The following ST6GAL2 variants were observed in gnomAD, a reference collection of about 807,000 sequenced individuals.
ST6GAL2 encodes the protein ST6 beta-galactoside alpha-2,6-sialyltransferase 2.
ST6GAL2 carries 24 observed loss-of-function variants against 37.5 expected under a neutral mutation model. The ratio of observed to expected loss-of-function variants is 0.64; its 90% CI spans 0.46 to 0.90. ST6GAL2 has a LOEUF of 0.90. Among genes scored for constraint, ST6GAL2 ranks in the 40% least tolerant of loss-of-function variants. The pLI is 0.00. For missense variants in ST6GAL2, 715 were observed against 712.7 expected, an observed-to-expected ratio of 1.00 and a Z score of -0.04; for synonymous variants, 306 against 295.1, an observed-to-expected ratio of 1.04 and a Z score of -0.38.
At chr2:106,875,776 A>G (rs890816039) in intron 1 of ST6GAL2, among the ~76,000 whole-genome samples, 4 of 152,210 alleles carry the variant, frequency 2.6e-5, no homozygotes, top group Admixed American at 1.3e-4. Context: ...TATGTAGAAA[A>G]GCTTCTAAAA....
Position 106,843,604 on chromosome 2 carries a change from T to G in ST6GAL2, c.374A>C (p.Tyr125Ser). 1 of 1,613,922 alleles carries G rather than the reference T, an allele frequency of 6.2e-7. No homozygotes were observed. The highest frequency in any genetic ancestry group is 1.3e-5 in the African/African-American group (1 of 75,020). Residue 125 changes from tyrosine (Y) to serine (S), a missense_variant, in exon 2 of 6, where the codon TAC becomes TCC. By Grantham distance (144) the Tyr-to-Ser change is moderately radical (BLOSUM62 -2). Transcript: ENST00000409382. The part of the protein sequence containing the change: ...QVGRKSQSAF[Y>S]PEDDDYFFAA... ...AAAAAAGTAGTCGTCATCCTCCGGG[T>G]AGAAAGCACTTTGAGATTTTCTCCC...
intron 1 of ST6GAL2, among the ~76,000 whole-genome samples, chr2:106,872,445 T>A (rs2104621487): frequency 6.6e-6 from 1 of 152,266 alleles, no homozygotes; most frequent in Non-Finnish European, 1.5e-5. Flanking sequence ...CCTTTTAAGT[T>A]GCTTATGAAG....
intron 5 of ST6GAL2, among the ~76,000 whole-genome samples, chr2:106,808,195 G>A (rs1391145788): frequency 6.6e-6 from 1 of 152,150 alleles, no homozygotes; most frequent in Non-Finnish European, 1.5e-5. Context: ...GGAGAGAAGA[G>A]AGAAAGGGCC....
At chr2:106,816,971 G>A (rs1483123402) in intron 5 of ST6GAL2, among the ~76,000 whole-genome samples, 1 of 152,218 alleles carries the variant, frequency 6.6e-6, no homozygotes, top group Non-Finnish European at 1.5e-5. Flanking sequence ...TGTTACAGCA[G>A]AAAGCAACAC....
intron 3 of ST6GAL2, among the ~76,000 whole-genome samples, chr2:106,833,211 C>T (rs1441823597): frequency 4.0e-5 from 6 of 151,640 alleles, no homozygotes; most frequent in Admixed American, 6.6e-5. Flanking sequence ...ACCATTATTA[C>T]GATGTACTTT....
chr2:106,819,736 A>G (rs188910848), intron 5 of ST6GAL2, among the ~76,000 whole-genome samples: 198 of 152,200 alleles, frequency 1.3e-3, no homozygotes, highest in Middle Eastern at 3.4e-3. Flanking sequence ...AACTATTCAT[A>G]TCTTGAGTAG....
At chr2:106,858,557 A>G (rs1173790160) in intron 1 of ST6GAL2, among the ~76,000 whole-genome samples, 3 of 152,204 alleles carry the variant, frequency 2.0e-5, no homozygotes, top group African/African-American at 7.2e-5. Context: ...TGGAAAGAAT[A>G]CTTGCTAAGC....
In ST6GAL2 at chr2:106,802,544, T is replaced by C. The variant is rs183318617; in HGVS notation, c.*4134A>G. On this transcript the variant is annotated 3_prime_UTR_variant, in exon 6 of 6. Coordinates refer to ENST00000409382, the MANE Select transcript of ST6GAL2 (RefSeq NM_001142351.2). ...AGAAATACCTTTCATTTATCAAGTG[T>C]GTAAATAATGCCCATGTGACAGAAA... The C allele has an allele frequency of 7.2e-4, 110 of 152,312 alleles. 1 individual carries two copies. The highest frequency in any genetic ancestry group is 2.6e-3 in the African/African-American group (108 of 41,570). 9.4% of individuals were successfully genotyped at this position (152,312 alleles called of 1,614,324 possible).
chr2:106,846,186 G>A (rs1053524612), intron 1 of ST6GAL2, among the ~76,000 whole-genome samples: 1 of 152,226 alleles, frequency 6.6e-6, no homozygotes, highest in Non-Finnish European at 1.5e-5. Flanking sequence ...GGATAGGAGA[G>A]CCGGTCTAGC....
chr2:106,875,242 C>T (rs1398915045), intron 1 of ST6GAL2, among the ~76,000 whole-genome samples: 1 of 146,338 alleles, frequency 6.8e-6, no homozygotes, highest in Non-Finnish European at 1.5e-5. Flanking sequence ...AGGGTGTGAT[C>T]TCAGCTCACT....
intron 1 of ST6GAL2, among the ~76,000 whole-genome samples, chr2:106,847,542 G>C (rs777673501): frequency 2.6e-4 from 40 of 152,204 alleles, no homozygotes; most frequent in Middle Eastern, 6.8e-3. Context: ...GACTGCCCTC[G>C]TTTCACATGC....
At chr2:106,855,762 G>C (rs928404344) in intron 1 of ST6GAL2, among the ~76,000 whole-genome samples, 1 of 152,118 alleles carries the variant, frequency 6.6e-6, no homozygotes, top group Non-Finnish European at 1.5e-5. Context: ...GTTGTAAAAA[G>C]TTCTAAAATA....
intron 4 of ST6GAL2, 152 bp from the exon 5 acceptor site, chr2:106,830,392 TTGGG>T: frequency 3.1e-6 from 2 of 646,984 alleles, no homozygotes; most frequent in South Asian, 2.0e-5. Flanking sequence ...CACTTCCTCA[TTGGG>T]ATGAGGGGAC....
chr2:106,852,091 A>G (rs1349220358), intron 1 of ST6GAL2, among the ~76,000 whole-genome samples: 1 of 152,236 alleles, frequency 6.6e-6, no homozygotes, highest in Non-Finnish European at 1.5e-5. Context: ...CCAGACTGCT[A>G]AAGGCAGAAC....
rs79039101 is a variant in ST6GAL2 at position 106,825,648 on chromosome 2, C to T, written c.1318+4418G>A. Among the ~76,000 whole-genome samples the T allele has an allele frequency of 4.5e-4, 68 of 152,312 alleles. 2 individuals are homozygous for T. In the East Asian group the frequency reaches 0.013, roughly 29 times the overall value. On this transcript the variant is annotated intron_variant, in intron 5 of 5. Transcript: ENST00000409382. Reference sequence around the variant, plus strand: ...AATTATTATTTGTATCTGCTATGTACCAGGCTAACAGCAGAAATACAATGA... The same window carrying T: ...AATTATTATTTGTATCTGCTATGTATCAGGCTAACAGCAGAAATACAATGA...
rs1238369668 is a variant in ST6GAL2 at position 106,805,737 on chromosome 2, C to T, written c.*941G>A. ...GGTGATGGCTCCAAAATCTTTCCTT[C>T]TAGTTTGGAAGGAGCAAGGTGTCTC... On this transcript the variant is annotated 3_prime_UTR_variant, in exon 6 of 6. Coordinates refer to ENST00000409382, the MANE Select transcript of ST6GAL2 (RefSeq NM_001142351.2). 6.6e-6 allele frequency: 1 copy of T among 152,192 alleles called. No homozygotes were observed. Among genetic ancestry groups the T allele is most frequent in the East Asian group, 1.9e-4 (1 of 5,182 alleles). 9.4% of individuals were successfully genotyped at this position (152,192 alleles called of 1,614,324 possible).
At chr2:106,878,625 C>A (rs1023350884) in intron 1 of ST6GAL2, among the ~76,000 whole-genome samples, 2 of 152,106 alleles carry the variant, frequency 1.3e-5, no homozygotes, top group Non-Finnish European at 2.9e-5. Flanking sequence ...ACAAAACCAG[C>A]GTAACTGTTT....
intron 2 of ST6GAL2, among the ~76,000 whole-genome samples, chr2:106,839,430 T>C (rs1203358298): frequency 6.6e-6 from 1 of 152,164 alleles, no homozygotes; most frequent in Non-Finnish European, 1.5e-5. Context: ...AACACTGGAA[T>C]TGTCTGTTTA....
intron 1 of ST6GAL2, among the ~76,000 whole-genome samples, chr2:106,864,743 G>A (rs190409558): frequency 1.3e-5 from 2 of 152,250 alleles, no homozygotes; most frequent in East Asian, 3.9e-4. Flanking sequence ...TTAATGTATC[G>A]CCAGGCACAG....
Sources: allele counts gnomAD v4.1 joint callset (sites outside exome capture counted in the v4.1 genomes callset), GRCh38; gene constraint gnomAD v4.1.1; transcripts MANE v1.5; gene names NCBI Gene and HGNC (gene_info 2026-07-23, HGNC 2026-07-21).